The following ALG6 variants were observed in gnomAD, a reference collection of about 807,000 sequenced individuals.
ALG6 encodes the protein dolichyl pyrophosphate Man9GlcNAc2 alpha-1,3-glucosyltransferase.
In ALG6, 46 loss-of-function variants were observed where a neutral mutation model predicts 66.6. The observed-to-expected ratio is 0.69, with a 90% CI of 0.55 to 0.88. The LOEUF (loss-of-function observed/expected upper bound fraction) is 0.88, where lower values mean the gene tolerates loss of function less well. Among genes scored for constraint, ALG6 ranks in the 40% least tolerant of loss-of-function variants. ALG6 has a pLI of 0.00. For missense variants in ALG6, 505 were observed against 586.8 expected (o/e 0.86, Z 1.44); for synonymous variants, 185 against 203.7 (o/e 0.91, Z 0.78).
At chr1:63,384,322 C>T (rs941330539) in intron 2 of ALG6, among the ~76,000 whole-genome samples, 7 of 152,108 alleles carry the variant, frequency 4.6e-5, no homozygotes, top group African/African-American at 1.7e-4. Context: ...ATCTTTTGCC[C>T]ATTTTTTAAT....
chr1:63,396,470 C>A, intron 2 of ALG6, 43 bp from the exon 3 acceptor site: 3 of 1,505,282 alleles, frequency 2.0e-6, no homozygotes, highest in Admixed American at 3.3e-5. Context: ...CACTGATATG[C>A]TAAAGTACAT....
intron 1 of ALG6, 104 bp downstream of exon 1, chr1:63,367,791 C>G (rs370159005): frequency 2.3e-4 from 35 of 152,482 alleles, no homozygotes; most frequent in African/African-American, 7.9e-4. Flanking sequence ...GACCCGTCTC[C>G]CAGCTCCGCT....
At chr1:63,423,024 ATT>A (rs61279219) in intron 12 of ALG6, among the ~76,000 whole-genome samples, 93 of 142,960 alleles carry the variant, frequency 6.5e-4, no homozygotes, top group South Asian at 6.7e-4. Flanking sequence ...GGATAATGCA[ATT>A]TTTTTTTTTT....
chr1:63,389,501 G>T (rs747649688), intron 2 of ALG6, among the ~76,000 whole-genome samples: 1 of 152,014 alleles, frequency 6.6e-6, no homozygotes, highest in African/African-American at 2.4e-5. Context: ...TGAATTTTTT[G>T]AGTTTCTTCA....
At chr1:63,408,321 G>A (rs1466268183) in intron 7 of ALG6, among the ~76,000 whole-genome samples, 12 of 152,162 alleles carry the variant, frequency 7.9e-5, no homozygotes, top group Non-Finnish European at 1.8e-4. Context: ...ATGTATTCAT[G>A]TAGTTGTGTG....
At chr1:63,382,885 C>T (rs1391359308) in intron 2 of ALG6, among the ~76,000 whole-genome samples, 1 of 152,026 alleles carries the variant, frequency 6.6e-6, no homozygotes, top group African/African-American at 2.4e-5. Context: ...ACCATGTTAG[C>T]CAGGATGGTC....
chr1:63,369,922 G>A (rs1325546270), intron 1 of ALG6, among the ~76,000 whole-genome samples: 1 of 151,864 alleles, frequency 6.6e-6, no homozygotes, highest in African/African-American at 2.4e-5. Flanking sequence ...GGGTTGAAGC[G>A]ATTCTCCTGC....
chr1:63,375,118 T>C (rs1293480881), intron 2 of ALG6, among the ~76,000 whole-genome samples: 2 of 152,024 alleles, frequency 1.3e-5, no homozygotes, highest in Non-Finnish European at 2.9e-5. Flanking sequence ...GGTGGATTGC[T>C]TGAACCCGGG....
Position 63,370,894 on chromosome 1 carries a change from C to G in ALG6, c.-84C>G. On this transcript the variant is annotated 5_prime_UTR_variant, in exon 2 of 15. Transcript: ENST00000263440. ...CAAGAAGTGATAACATTTCTCTGAACAAGAAAAGAAGTGATTGACCACGTT... is the reference window on the plus strand; with the variant it reads ...CAAGAAGTGATAACATTTCTCTGAAGAAGAAAAGAAGTGATTGACCACGTT... The G allele has an allele frequency of 3.5e-6, 3 of 846,288 alleles. No individual in the cohort carries two copies. The highest frequency in any genetic ancestry group is 2.4e-5 in the East Asian group (1 of 41,376). The allele number at this position is 846,288 out of a possible 1,614,324, so 52.4% of individuals were successfully genotyped here. A position where few individuals can be genotyped will look rare whatever the true frequency, so the allele number is the denominator to read the frequency against.
intron 1 of ALG6, among the ~76,000 whole-genome samples, 169 bp from the exon 2 acceptor site, chr1:63,370,602 T>C (rs567082854): frequency 2.6e-5 from 4 of 152,278 alleles, no homozygotes; most frequent in African/African-American, 9.6e-5. Flanking sequence ...TTGATGTATA[T>C]TCCCAACTAA....
chr1:63,382,679 GTTTTT>G (rs59573321), intron 2 of ALG6, among the ~76,000 whole-genome samples: 1 of 19,768 alleles, frequency 5.1e-5, no homozygotes, highest in African/African-American at 2.3e-4. Flanking sequence ...TTTTTTTTTT[GTTTTT>G]TTTTTTTTTG....
chr1:63,374,543 G>A (rs896032657), intron 2 of ALG6, among the ~76,000 whole-genome samples: 21 of 151,856 alleles, frequency 1.4e-4, no homozygotes, highest in African/African-American at 4.8e-4. Context: ...CACGAGAATT[G>A]CTTGAACCTG....
At chr1:63,406,182 G>A in intron 5 of ALG6, 135 bp from the exon 6 acceptor site, 1 of 749,770 alleles carries the variant, frequency 1.3e-6, no homozygotes, top group Non-Finnish European at 2.4e-6. Flanking sequence ...AGTGCTGACT[G>A]TGTAAAGGAC....
intron 2 of ALG6, among the ~76,000 whole-genome samples, chr1:63,384,082 G>A (rs1332166552): frequency 2.6e-5 from 4 of 152,124 alleles, no homozygotes; most frequent in African/African-American, 9.7e-5. Context: ...GGTTGCTTGC[G>A]AATCTTGGCT....
chr1:63,409,711 A>G (rs1644506940), intron 7 of ALG6, among the ~76,000 whole-genome samples: 2 of 151,916 alleles, frequency 1.3e-5, no homozygotes, highest in Non-Finnish European at 2.9e-5. Flanking sequence ...TGTTTATTTT[A>G]TCCTAGTGTA....
rs373756299 is a variant in ALG6, at chr1:63,419,347, T to C, written c.988-23T>C. On this transcript the variant is annotated intron_variant, in intron 11 of 14. Transcript: ENST00000263440. ...CTATTTCACAAGTTGTTATATCTCA[T>C]TTCCCCCCCTTTTTTCTTAAAGGTT... is the stretch of plus-strand genomic sequence containing the variant. 3.5e-5 allele frequency: 56 copies of C among 1,583,222 alleles called. No individual in the cohort carries two copies. In the African/African-American group the frequency reaches 6.0e-4, roughly 17 times the overall value.
Position 63,429,058 on chromosome 1 carries a change from T to G in ALG6, c.1258T>G (p.Ser420Ala), listed in dbSNP as rs947661161. The change falls in exon 14 of 15, where the codon TCC becomes GCC. Residue 420 changes from serine (S) to alanine (A), a missense_variant. Physicochemically the swap from Ser to Ala is moderately conservative, Grantham distance 99. Coordinates refer to ENST00000263440, the MANE Select transcript of ALG6 (RefSeq NM_013339.4). ...TTCTGAAGAAGAACTGCAGTTGAAA[T>G]CCTTTTCCATTTCTGTGAGGAAATA... ...KTSEEELQLK[S>A]FSISVRKYLP... 6.2e-7 allele frequency: 1 copy of G among 1,606,174 alleles called. No individual in the cohort carries two copies. Among genetic ancestry groups the G allele is most frequent in the Admixed American group, 1.7e-5 (1 of 58,778 alleles).
At chr1:63,395,956 C>T (rs933715341) in intron 2 of ALG6, among the ~76,000 whole-genome samples, 4 of 152,058 alleles carry the variant, frequency 2.6e-5, no homozygotes, top group Non-Finnish European at 4.4e-5. Flanking sequence ...CTAAACAATA[C>T]AGTATAACAA....
In ALG6 at chr1:63,380,682, A is replaced by G. The variant is rs147656667; in HGVS notation, c.82+9623A>G. On this transcript the variant is annotated intron_variant, in intron 2 of 14. Coordinates refer to ENST00000263440, the MANE Select transcript of ALG6 (RefSeq NM_013339.4). ...ATGATACTATTTCAGTATTGCTGGTATATATAATCAAATGCTTAATGGGAA... is the reference window on the plus strand; with the variant it reads ...ATGATACTATTTCAGTATTGCTGGTGTATATAATCAAATGCTTAATGGGAA... Among the ~76,000 whole-genome samples, 4 of 152,342 alleles carry G rather than the reference A, an allele frequency of 2.6e-5. No individual in the cohort carries two copies. In the South Asian group the frequency reaches 6.2e-4, roughly 24 times the overall value.
Sources: allele counts gnomAD v4.1 joint callset (sites outside exome capture counted in the v4.1 genomes callset), GRCh38; gene constraint gnomAD v4.1.1; transcripts MANE v1.5; gene names NCBI Gene and HGNC (gene_info 2026-07-23, HGNC 2026-07-21).